The following FAM162B variants were observed in gnomAD, a reference collection of about 807,000 sequenced individuals.
FAM162B encodes the protein protein FAM162B.
A neutral mutation model predicts 20.0 loss-of-function variants in FAM162B; 16 were observed. The observed-to-expected ratio is 0.80, with a 90% CI of 0.54 to 1.21. The LOEUF is 1.21. Ranked by LOEUF, FAM162B falls within the 50% of genes most tolerant of loss-of-function variation. The pLI, the probability that FAM162B is intolerant of heterozygous loss-of-function variation, is 0.00. For missense variants in FAM162B, 260 were observed against 227.5 expected (o/e 1.14, Z -0.92); for synonymous variants, 83 against 89.7 (o/e 0.93, Z 0.42).
rs1162855285 is a variant in FAM162B, at chr6:116,765,207, T to C, written c.221A>G (p.Lys74Arg). Residue 74 changes from lysine (K) to arginine (R), a missense_variant, in exon 2 of 4, where the codon AAG (lysine) becomes AGG (arginine). Coordinates refer to ENST00000368557, the MANE Select transcript of FAM162B (RefSeq NM_001085480.3). ...PTQRRPSQFDKKILLWTGRFK... is the reference protein window; with the variant it reads ...PTQRRPSQFDRKILLWTGRFK... ...ACGCCCTGTCCACAGCAGGATTTTC[T>C]TGTCGAACTGCGAAGGCCTGCGCTG... The C allele has an allele frequency of 1.9e-6, 3 of 1,613,822 alleles. No homozygotes were observed. Among genetic ancestry groups the C allele is most frequent in the Non-Finnish European group, 2.5e-6 (3 of 1,179,960 alleles).
chr6:116,752,679 TC>T lies in FAM162B; in HGVS notation c.406del (p.Glu136AsnfsTer3), dbSNP rs1208807688. 6.4e-7 allele frequency: 1 copy of T among 1,573,380 alleles called. No individual in the cohort carries two copies. Among genetic ancestry groups the T allele is most frequent in the South Asian group, 1.2e-5 (1 of 85,746 alleles). Reference protein sequence around the residue: ...VSAKRAVERHESLTSWNLAKK... With the variant: ...VSAKRAVERHXSLTSWNLAKK... Reference sequence around the variant, plus strand: ...TGCCAAGTTCCAACTTGTTAAGGATTCATGTCGTTCTACAGCCTGTGGGGGG... The same window carrying T: ...TGCCAAGTTCCAACTTGTTAAGGATTATGTCGTTCTACAGCCTGTGGGGGG... On this transcript the variant is annotated frameshift_variant, in exon 4 of 4. Coordinates refer to ENST00000368557, the MANE Select transcript of FAM162B (RefSeq NM_001085480.3). LOFTEE classifies it high-confidence loss of function.
intron 2 of FAM162B, 49 bp downstream of exon 2, chr6:116,765,098 C>T (rs1771881848): frequency 1.3e-6 from 2 of 1,592,492 alleles, no homozygotes; most frequent in East Asian, 4.5e-5. Flanking sequence ...ACCCCGCACC[C>T]TTGCGGCCGG....
At chr6:116,765,286 G>C (rs947101536) in intron 1 of FAM162B, 31 bp from the exon 2 acceptor site, 1 of 1,607,772 alleles carries the variant, frequency 6.2e-7, no homozygotes, top group African/African-American at 1.3e-5. Context: ...ATGGACGCGG[G>C]AACTGACGCA....
chr6:116,765,337 G>T, intron 1 of FAM162B, 68 bp downstream of exon 1: 1 of 1,544,518 alleles, frequency 6.5e-7, no homozygotes. Context: ...CGACTCCCGG[G>T]CCGGCCCCTC....
Position 116,755,292 on chromosome 6 carries a change from T to A in FAM162B, c.391-2597A>T, listed in dbSNP as rs1780039963. 2.0e-5 allele frequency among the ~76,000 whole-genome samples: 3 copies of A among 152,070 alleles called. No individual in the cohort carries two copies. The South Asian group carries it at 6.2e-4, about 31-fold the overall frequency. On this transcript the variant is annotated intron_variant, in intron 3 of 3. Coordinates refer to ENST00000368557, the MANE Select transcript of FAM162B (RefSeq NM_001085480.3). ...TAAAGTGAAACAGCCTTATTACTGA[T>A]ATAAAAAACGTTTTAGTGGTCTGGA...
At chr6:116,758,456 C>T (rs1780078062) in intron 3 of FAM162B, among the ~76,000 whole-genome samples, 1 of 152,038 alleles carries the variant, frequency 6.6e-6, no homozygotes, top group African/African-American at 2.4e-5. Context: ...AGTGGAGCTC[C>T]TTATAATTTA....
intron 3 of FAM162B, among the ~76,000 whole-genome samples, chr6:116,758,007 A>G (rs1011629912): frequency 1.3e-5 from 2 of 152,208 alleles, no homozygotes; most frequent in Admixed American, 6.5e-5. Context: ...AGAGGGAAGT[A>G]GAAACATTTC....
At chr6:116,753,411 T>A (rs1780013948) in intron 3 of FAM162B, among the ~76,000 whole-genome samples, 2 of 152,126 alleles carry the variant, frequency 1.3e-5, no homozygotes, top group Non-Finnish European at 2.9e-5. Flanking sequence ...GCAATAGATG[T>A]ATATTGGTAT....
At chr6:116,765,283 C>T in intron 1 of FAM162B, 28 bp from the exon 2 acceptor site, 15 of 1,607,948 alleles carry the variant, frequency 9.3e-6, no homozygotes, top group Non-Finnish European at 1.2e-5. Flanking sequence ...CAGATGGACG[C>T]GGGAACTGAC....
chr6:116,761,914 GGAGGTACTTAAAAA>G (rs1771789402), intron 3 of FAM162B, 49 bp downstream of exon 3: 1 of 1,207,562 alleles, frequency 8.3e-7, no homozygotes, highest in African/African-American at 1.5e-5. Flanking sequence ...ACTCTTTTAG[GGAGGTACTTAAAAA>G]GAGGTACTTA....
intron 3 of FAM162B, among the ~76,000 whole-genome samples, chr6:116,760,331 A>T (rs1169962924): frequency 6.6e-6 from 1 of 152,234 alleles, no homozygotes; most frequent in Non-Finnish European, 1.5e-5. Context: ...GAAATATGGA[A>T]TTTTAACAGG....
intron 3 of FAM162B, among the ~76,000 whole-genome samples, chr6:116,758,275 C>CA (rs1454770742): frequency 3.3e-5 from 5 of 152,150 alleles, no homozygotes; most frequent in Non-Finnish European, 7.4e-5. Flanking sequence ...GAAAGGTCAT[C>CA]AATGGGGAGG....
intron 3 of FAM162B, among the ~76,000 whole-genome samples, chr6:116,753,998 T>C (rs1292084270): frequency 1.3e-5 from 2 of 152,198 alleles, no homozygotes; most frequent in Non-Finnish European, 2.9e-5. Context: ...CTTCTGAGGA[T>C]TTTTATGGAA....
Position 116,752,384 on chromosome 6 carries a change from T to A in FAM162B, c.*213A>T. 1 of 199,902 alleles carries A rather than the reference T, an allele frequency of 5.0e-6. No individual in the cohort carries two copies. Among genetic ancestry groups the A allele is most frequent in the Non-Finnish European group, 1.0e-5 (1 of 99,796 alleles). 12.4% of individuals were successfully genotyped at this position (199,902 alleles called of 1,614,324 possible). ...TACACAGGTGTTCACGACATAAATA[T>A]CTATCAGACTGTATACAGTTTTGTC... is the stretch of plus-strand genomic sequence containing the variant. On this transcript the variant is annotated 3_prime_UTR_variant, in exon 4 of 4. Coordinates refer to ENST00000368557, the MANE Select transcript of FAM162B (RefSeq NM_001085480.3).
rs140728810 is a variant in FAM162B, at chr6:116,761,614, A to C, written c.390+363T>G. ...AATTTATCTCCAGTATTTTTTATAT[A>C]TATATATACACATATATATACATAT... On this transcript the variant is annotated intron_variant, in intron 3 of 3. Transcript: ENST00000368557. 2.6e-3 allele frequency among the ~76,000 whole-genome samples: 390 copies of C among 147,770 alleles called. 1 individual carries two copies. The highest frequency in any genetic ancestry group is 9.4e-3 in the African/African-American group (381 of 40,670).
chr6:116,753,753 G>T (rs1303627589), intron 3 of FAM162B, among the ~76,000 whole-genome samples: 1 of 152,148 alleles, frequency 6.6e-6, no homozygotes, highest in Non-Finnish European at 1.5e-5. Context: ...AAATCCAGAA[G>T]ACTTGGTAAG....
chr6:116,761,650 A>ATATACTTATATATG (rs1554260281), intron 3 of FAM162B, among the ~76,000 whole-genome samples: 3 of 141,456 alleles, frequency 2.1e-5, no homozygotes, highest in African/African-American at 2.6e-5. Context: ...ATATACACTT[A>ATATACTTATATATG]TATATATACT....
Position 116,752,648 on chromosome 6 carries a change from T to G in FAM162B, c.438A>C (p.Lys146Asn), listed in dbSNP as rs1237006341. 6.3e-7 allele frequency: 1 copy of G among 1,593,644 alleles called. No individual in the cohort carries two copies. The highest frequency in any genetic ancestry group is 8.6e-7 in the Non-Finnish European group (1 of 1,168,508). ...ESLTSWNLAK[K>N]AKWREEAALA... is the part of the protein sequence containing the mutation. ...ATGCAGCTTCTTCACGCCACTTAGC[T>G]TTCTTTGCCAAGTTCCAACTTGTTA... Residue 146 changes from lysine to asparagine, a missense_variant, in exon 4 of 4, where the codon AAA (lysine) becomes AAC (asparagine). Lys to Asn is a moderately conservative substitution (Grantham distance 94). Transcript: ENST00000368557.
In FAM162B at chr6:116,752,428, T is replaced by C. The variant is rs930335851; in HGVS notation, c.*169A>G. On this transcript the variant is annotated 3_prime_UTR_variant, in exon 4 of 4. Coordinates refer to ENST00000368557, the MANE Select transcript of FAM162B (RefSeq NM_001085480.3). ...TTTTGTCCACTTTTTGAATGCATGG[T>C]ATACTTCAGTAAAAGTTTACTAAAA... 1.7e-5 allele frequency: 5 copies of C among 292,374 alleles called. No individual in the cohort carries two copies. The highest frequency in any genetic ancestry group is 4.4e-5 in the Admixed American group (1 of 22,736). 18.1% of individuals were successfully genotyped at this position (292,374 alleles called of 1,614,324 possible). A position where few individuals can be genotyped will look rare whatever the true frequency, so the allele number is the denominator to read the frequency against.
Sources: allele counts gnomAD v4.1 joint callset (sites outside exome capture counted in the v4.1 genomes callset), GRCh38; gene constraint gnomAD v4.1.1; transcripts MANE v1.5; gene names NCBI Gene and HGNC (gene_info 2026-07-23, HGNC 2026-07-21).